GAB2: variants seen among roughly 807,000 people sequenced by gnomAD.
GAB2 encodes the protein GRB2 associated binding protein 2, also known as GRB2-associated-binding protein 2.
Under a neutral mutation model 65.5 loss-of-function variants are expected in GAB2, and 26 were observed. The observed-to-expected ratio is 0.40, with a 90% CI of 0.29 to 0.55. GAB2 has a LOEUF of 0.55. GAB2 is among the 20% of genes least tolerant of loss of function. The probability of loss-of-function intolerance (pLI) is 0.53; values close to 1 mark genes in which losing one functional copy is unlikely to be tolerated. For synonymous variants in GAB2, 321 were observed against 329.6 expected, an observed-to-expected ratio of 0.97 and a Z score of 0.28; for missense variants, 884 against 875.8, an observed-to-expected ratio of 1.01 and a Z score of -0.12.
intron 1 of GAB2, among the ~76,000 whole-genome samples, chr11:78,290,722 A>G (rs1707374007): frequency 6.6e-6 from 1 of 152,200 alleles, no homozygotes; most frequent in Non-Finnish European, 1.5e-5. Flanking sequence ...AATATGTGGA[A>G]GAGCGATTTG....
At chr11:78,345,116 C>T (rs1487044483) in intron 1 of GAB2, among the ~76,000 whole-genome samples, 2 of 152,076 alleles carry the variant, frequency 1.3e-5, no homozygotes, top group South Asian at 2.1e-4. Context: ...CCCGTCTCTA[C>T]TAAAAATACA....
intron 1 of GAB2, among the ~76,000 whole-genome samples, chr11:78,298,056 T>G (rs1283013942): frequency 1.3e-5 from 2 of 152,186 alleles, no homozygotes; most frequent in African/African-American, 2.4e-5. Context: ...GTTTTAAATT[T>G]TTCCATATTT....
chr11:78,220,184 A>T (rs1053827072), intron 9 of GAB2, 135 bp downstream of exon 9: 4 of 841,594 alleles, frequency 4.8e-6, no homozygotes, highest in Non-Finnish European at 7.5e-6. Flanking sequence ...CTAAAGATGC[A>T]TCATAAAAGC....
At chr11:78,295,362 G>A (rs376962401) in intron 1 of GAB2, among the ~76,000 whole-genome samples, 135 of 152,176 alleles carry the variant, frequency 8.9e-4, no homozygotes, top group Non-Finnish European at 1.8e-3. Flanking sequence ...TGCTACCACC[G>A]GAGTAACTCA....
At chr11:78,238,587 G>T (rs1179247935) in intron 3 of GAB2, among the ~76,000 whole-genome samples, 1 of 127,572 alleles carries the variant, frequency 7.8e-6, no homozygotes, top group Non-Finnish European at 1.7e-5. Context: ...CAACCCACAA[G>T]AACAAAGTTC....
At chr11:78,372,848 CAAATTTG>C (rs528522468) in intron 1 of GAB2, among the ~76,000 whole-genome samples, 3,586 of 152,294 alleles carry the variant, frequency 0.024, 140 homozygotes, top group African/African-American at 0.081. Flanking sequence ...AAACCAGTTT[CAAATTTG>C]CATTCTCCCC....
chr11:78,393,250 A>G (rs560284793), intron 1 of GAB2, among the ~76,000 whole-genome samples: 21 of 152,210 alleles, frequency 1.4e-4, no homozygotes, highest in South Asian at 2.1e-4. Context: ...GGTCAGGTCA[A>G]TCTTTTCCCT....
chr11:78,229,897 A>G (rs369510284), intron 3 of GAB2, among the ~76,000 whole-genome samples: 49 of 152,182 alleles, frequency 3.2e-4, no homozygotes, highest in Non-Finnish European at 6.3e-4. Context: ...AACTCATCTC[A>G]GAAGACACAT....
At chr11:78,249,961 T>C (rs1865401291) in intron 3 of GAB2, among the ~76,000 whole-genome samples, 196 bp downstream of exon 3, 1 of 152,008 alleles carries the variant, frequency 6.6e-6, no homozygotes, top group Non-Finnish European at 1.5e-5. Context: ...GGCACCCAGT[T>C]ATCACTGTGT....
In GAB2 at chr11:78,398,041, C is replaced by CATACACACACACACAT. The variant is rs143395352; in HGVS notation, c.75+19604_75+19605insATGTGTGTGTGTGTAT. Reference sequence around the variant, plus strand: ...ATAGCTACACACACACACACACACACATCCCTGGCCTATACTCAATGTTTT... The same window carrying CATACACACACACACAT: ...ATAGCTACACACACACACACACACACATACACACACACACATATCCCTGGCCTATACTCAATGTTTT... On this transcript the variant is annotated intron_variant, in intron 1 of 9. Coordinates refer to ENST00000361507, the MANE Select transcript of GAB2 (RefSeq NM_080491.3). Among the ~76,000 whole-genome samples the CATACACACACACACAT allele has an allele frequency of 3.3e-5, 5 of 151,514 alleles. No individual in the cohort carries two copies. In the South Asian group the frequency reaches 6.3e-4, roughly 19 times the overall value.
intron 1 of GAB2, among the ~76,000 whole-genome samples, chr11:78,353,242 A>C (rs1032835715): frequency 6.6e-6 from 1 of 152,160 alleles, no homozygotes; most frequent in African/African-American, 2.4e-5. Flanking sequence ...GGAGTTGCAG[A>C]CCAGCCTGGC....
At position 78,346,674 on chromosome 11, in the gene GAB2, C is replaced by CACATATATAT. The variant is rs1419527810; in HGVS notation, c.76-65774_76-65773insATATATATGT. ...TGGGCTGTTCTGTTTACATCCCCTCCATATATATATATATATATATATATA... is the reference window on the plus strand; with the variant it reads ...TGGGCTGTTCTGTTTACATCCCCTCCACATATATATATATATATATATATATATATATATA... On this transcript the variant is annotated intron_variant, in intron 1 of 9. Coordinates refer to ENST00000361507, the MANE Select transcript of GAB2 (RefSeq NM_080491.3). Among the ~76,000 whole-genome samples, 63 of 54,892 alleles carry CACATATATAT rather than the reference C, an allele frequency of 1.1e-3. 2 individuals carry two copies. The highest frequency in any genetic ancestry group is 3.8e-3 in the African/African-American group (53 of 14,088). 36.0% of individuals were successfully genotyped at this position (54,892 alleles called of 152,430 possible).
intron 1 of GAB2, among the ~76,000 whole-genome samples, chr11:78,375,094 G>C (rs567826272): frequency 1.3e-5 from 2 of 152,152 alleles, no homozygotes; most frequent in South Asian, 4.2e-4. Flanking sequence ...ACCCACACTA[G>C]AGTGCAATTG....
At chr11:78,242,794 T>C (rs1008694111) in intron 3 of GAB2, among the ~76,000 whole-genome samples, 2 of 152,168 alleles carry the variant, frequency 1.3e-5, no homozygotes, top group Non-Finnish European at 2.9e-5. Context: ...AAAATGAAGT[T>C]AATTTTTTCA....
At chr11:78,353,687 GT>G (rs1444644485) in intron 1 of GAB2, among the ~76,000 whole-genome samples, 2 of 152,012 alleles carry the variant, frequency 1.3e-5, no homozygotes, top group Non-Finnish European at 2.9e-5. Flanking sequence ...ATTTTACTTG[GT>G]TTTAATTTAT....
intron 1 of GAB2, among the ~76,000 whole-genome samples, chr11:78,370,256 CAAAA>C (rs35777026): frequency 4.0e-5 from 4 of 99,210 alleles, no homozygotes; most frequent in Admixed American, 9.6e-5. Flanking sequence ...GACTCCGTCT[CAAAA>C]AAAAAAAAAA....
At chr11:78,221,526 T>G (rs576351951) in intron 8 of GAB2, 151 bp downstream of exon 8, 149 of 441,788 alleles carry the variant, frequency 3.4e-4, no homozygotes, top group African/African-American at 2.9e-3. Context: ...AAACAGGTGC[T>G]CAAGAAGGGT....
chr11:78,283,749 T>C (rs1866395394), intron 1 of GAB2, among the ~76,000 whole-genome samples: 1 of 152,160 alleles, frequency 6.6e-6, no homozygotes, highest in Non-Finnish European at 1.5e-5. Context: ...AAACACTTTC[T>C]TCACCTGGCT....
At chr11:78,372,428 C>T (rs372716036) in intron 1 of GAB2, among the ~76,000 whole-genome samples, 1 of 152,190 alleles carries the variant, frequency 6.6e-6, no homozygotes, top group South Asian at 2.1e-4. Context: ...ATTTGACCAG[C>T]CCCTAGAGGT....
Sources: gnomAD v4.1 joint callset for allele counts (sites outside exome capture counted in the v4.1 genomes callset) on GRCh38, gnomAD v4.1.1 for gene constraint, MANE v1.5 for transcripts, NCBI Gene and HGNC (gene_info 2026-07-23, HGNC 2026-07-21) for gene names.